Variants in ITPRID2 observed in about 807,000 individuals in gnomAD.
The protein encoded by ITPRID2 is ITPR interacting domain containing 2.
In ITPRID2, 60 loss-of-function variants were observed where a neutral mutation model predicts 124.3. The observed-to-expected ratio is 0.48, with a 90% CI of 0.39 to 0.60. ITPRID2 has a LOEUF of 0.60. Among genes scored for constraint, ITPRID2 ranks in the 20% least tolerant of loss-of-function variants. The pLI is 0.00. For missense variants in ITPRID2, 1,553 were observed against 1,512.2 expected (o/e 1.03, Z -0.45); for synonymous variants, 521 against 542.9 (o/e 0.96, Z 0.56).
intron 8 of ITPRID2, among the ~76,000 whole-genome samples, chr2:181,903,429 C>T (rs1692841403): frequency 6.6e-6 from 1 of 152,202 alleles, no homozygotes. Flanking sequence ...TTTAACATCA[C>T]ACACCATTAT....
At chr2:181,929,320 A>G (rs1695111290) in intron 17 of ITPRID2, among the ~76,000 whole-genome samples, 1 of 152,102 alleles carries the variant, frequency 6.6e-6, no homozygotes, top group Non-Finnish European at 1.5e-5. Context: ...ATAATATACA[A>G]TTTCAGATAT....
intron 16 of ITPRID2, among the ~76,000 whole-genome samples, chr2:181,926,351 T>A (rs1042184506): frequency 1.3e-5 from 2 of 152,216 alleles, no homozygotes; most frequent in African/African-American, 4.8e-5. Flanking sequence ...GTAGGGATTC[T>A]TTTATACTTT....
chr2:181,921,812 T>C (rs190137357), intron 15 of ITPRID2, 136 bp from the exon 16 acceptor site: 179 of 792,176 alleles, frequency 2.3e-4, no homozygotes, highest in Middle Eastern at 1.1e-3. Context: ...ATTGAGTAGT[T>C]ATTAAATTAA....
In ITPRID2 at chr2:181,919,676, C is replaced by T. The variant is rs1338806501; in HGVS notation, c.3144+230C>T. ...AATTTTTAATGATAAATTTTAATAA[C>T]AGGAAAGAATAAGGGCTTATACGAA... On this transcript the variant is annotated intron_variant, in intron 14 of 17. Coordinates refer to ENST00000431877, the MANE Select transcript of ITPRID2 (RefSeq NM_001130445.3). The surrounding 1 kb of genome is among the most constrained non-coding windows in gnomAD (Gnocchi z 4.2). Among the ~76,000 whole-genome samples the T allele has an allele frequency of 1.3e-5, 2 of 151,850 alleles. No homozygotes were observed. Among genetic ancestry groups the T allele is most frequent in the Non-Finnish European group, 2.9e-5 (2 of 67,988 alleles).
At chr2:181,920,709 A>G in intron 15 of ITPRID2, 47 bp downstream of exon 15, 7 of 1,354,580 alleles carry the variant, frequency 5.2e-6, no homozygotes, top group Non-Finnish European at 7.4e-6. Context: ...ATGATACAAC[A>G]TTTCAGACAC....
chr2:181,918,537 T>A, intron 11 of ITPRID2, 61 bp from the exon 12 acceptor site: 1 of 1,601,838 alleles, frequency 6.2e-7, no homozygotes, highest in Non-Finnish European at 8.5e-7. Context: ...TTTAACCCCT[T>A]AAGTGATTTG....
At chr2:181,908,555 A>G (rs1361023970) in intron 8 of ITPRID2, among the ~76,000 whole-genome samples, 2 of 152,244 alleles carry the variant, frequency 1.3e-5, no homozygotes, top group Admixed American at 1.3e-4. Context: ...AATTTTAACA[A>G]GATAACAAAG....
In ITPRID2 at chr2:181,902,189, T is replaced by C. The variant is rs1340884713; in HGVS notation, c.1136T>C (p.Ile379Thr). The C allele has an allele frequency of 1.2e-6, 2 of 1,613,690 alleles. No individual in the cohort carries two copies. The highest frequency in any genetic ancestry group is 2.2e-5 in the East Asian group (1 of 44,862). ...AVTENADSDRISDEANSNFNQ... is the reference protein window; with the variant it reads ...AVTENADSDRTSDEANSNFNQ... The stretch of plus-strand genomic sequence containing the variant: ...ACGGAGAATGCTGATAGTGATAGAA[T>C]TTCTGATGAAGCAAATAGTAATTTT... Residue 379 changes from isoleucine to threonine, a missense_variant, in exon 8 of 18, where the codon ATT becomes ACT. By Grantham distance (89) the Ile-to-Thr change is moderately conservative. Transcript: ENST00000431877. The surrounding 1 kb of genome is among the most constrained non-coding windows in gnomAD (Gnocchi z 4.4).
chr2:181,925,354 T>C (rs556849016), intron 16 of ITPRID2, among the ~76,000 whole-genome samples: 1 of 152,342 alleles, frequency 6.6e-6, no homozygotes, highest in Admixed American at 6.5e-5. Flanking sequence ...TTGGAAATTA[T>C]GCTCATAAAG....
In ITPRID2 at chr2:181,929,674, A is replaced by AGCT; in HGVS notation, c.*128_*129insCTG. ...GCTGTTGAGCTGGGCTACTGTATAC[A>AGCT]GTGTACAATGTGTATTTCTTCAACC... On this transcript the variant is annotated 3_prime_UTR_variant, in exon 18 of 18. Transcript: ENST00000431877. 1 of 1,546,326 alleles carries AGCT rather than the reference A, an allele frequency of 6.5e-7. No homozygotes were observed. Among genetic ancestry groups the AGCT allele is most frequent in the Non-Finnish European group, 8.9e-7 (1 of 1,124,428 alleles).
chr2:181,895,647 G>A (rs1692136587), intron 2 of ITPRID2, among the ~76,000 whole-genome samples: 1 of 151,812 alleles, frequency 6.6e-6, no homozygotes, highest in African/African-American at 2.4e-5. Flanking sequence ...CTGAAGATTT[G>A]TTTTCTTCTA....
chr2:181,907,228 G>T lies in ITPRID2; in HGVS notation c.1414-2671G>T, dbSNP rs1693206614. Among the ~76,000 whole-genome samples the T allele has an allele frequency of 6.6e-6, 1 of 152,138 alleles. No homozygotes were observed. Among genetic ancestry groups the T allele is most frequent in the Non-Finnish European group, 1.5e-5 (1 of 68,020 alleles). On this transcript the variant is annotated intron_variant, in intron 8 of 17. Coordinates refer to ENST00000431877, the MANE Select transcript of ITPRID2 (RefSeq NM_001130445.3). This position sits in a 1 kb window ranked among gnomAD's most constrained non-coding sequence, Gnocchi z 5.1. The stretch of plus-strand genomic sequence containing the variant: ...TGACAGCTGTTAAGAAACCAAAGTG[G>T]TTCACTGAAACAAAAAGTACATTTT...
chr2:181,903,959 A>G (rs1219382979), intron 8 of ITPRID2, among the ~76,000 whole-genome samples: 1 of 152,182 alleles, frequency 6.6e-6, no homozygotes, highest in Non-Finnish European at 1.5e-5. Context: ...ACAATAGCAG[A>G]GCATAAAGAT....
rs1200544119 is a variant in ITPRID2 at position 181,929,606 on chromosome 2, AT to A, written c.*60del. 2 of 1,613,076 alleles carry A rather than the reference AT, an allele frequency of 1.2e-6. No individual in the cohort carries two copies. Among genetic ancestry groups the A allele is most frequent in the Non-Finnish European group, 1.7e-6 (2 of 1,179,482 alleles). On this transcript the variant is annotated 3_prime_UTR_variant, in exon 18 of 18. Coordinates refer to ENST00000431877, the MANE Select transcript of ITPRID2 (RefSeq NM_001130445.3). ...CTGTGTAATACTGGAATTATCAATG[AT>A]ATGCACTGGTGGAGGTGTTATTTGT...
intron 16 of ITPRID2, among the ~76,000 whole-genome samples, chr2:181,924,600 T>TA (rs1375899394): frequency 6.6e-6 from 1 of 152,228 alleles, no homozygotes; most frequent in African/African-American, 2.4e-5. Context: ...AAAGTTTTCT[T>TA]ACTGCGTTCA....
rs1692217762 is a variant in ITPRID2 at position 181,896,536 on chromosome 2, C to T, written c.308-372C>T. On this transcript the variant is annotated intron_variant, in intron 3 of 17. Transcript: ENST00000431877. This position sits in a 1 kb window ranked among gnomAD's most constrained non-coding sequence, Gnocchi z 4.3. ...GGCAAGGCATATAAAAAAACATTTA[C>T]AGTGTCAGGAAAATCCAGCTCCTGA... Among the ~76,000 whole-genome samples, 1 of 151,962 alleles carries T rather than the reference C, an allele frequency of 6.6e-6. No individual in the cohort carries two copies. The highest frequency in any genetic ancestry group is 1.5e-5 in the Non-Finnish European group (1 of 67,856).
chr2:181,923,902 GA>G (rs1694669774), intron 16 of ITPRID2, among the ~76,000 whole-genome samples: 1 of 152,080 alleles, frequency 6.6e-6, no homozygotes, highest in African/African-American at 2.4e-5. Flanking sequence ...TGGCTTATAA[GA>G]CACAGCATAT....
Position 181,900,796 on chromosome 2 carries a change from T to A in ITPRID2, c.604T>A (p.Ser202Thr). ...ACCAGATATTGCTTCTAAAATTCCT[T>A]CCAGATTTTTTAATTCATCATCCTT... ...DEPDIASKIP[S>T]RFFNSSSFAK... Residue 202 changes from serine to threonine, a missense_variant, in exon 7 of 18, where the codon TCC (serine) becomes ACC (threonine). Coordinates refer to ENST00000431877, the MANE Select transcript of ITPRID2 (RefSeq NM_001130445.3). 6.2e-7 allele frequency: 1 copy of A among 1,613,346 alleles called. No individual in the cohort carries two copies. Among genetic ancestry groups the A allele is most frequent in the Non-Finnish European group, 8.5e-7 (1 of 1,179,592 alleles).
intron 10 of ITPRID2, among the ~76,000 whole-genome samples, chr2:181,914,513 G>C (rs1693875901): frequency 6.6e-6 from 1 of 152,144 alleles, no homozygotes; most frequent in Non-Finnish European, 1.5e-5. Context: ...AGCATTTAAG[G>C]GGTAAACAGA....
Sources: gnomAD v4.1 joint callset for allele counts (sites outside exome capture counted in the v4.1 genomes callset) on GRCh38, gnomAD v4.1.1 for gene constraint, Gnocchi (gnomAD v3.1) non-coding constraint, MANE v1.5 for transcripts, NCBI Gene and HGNC (gene_info 2026-07-23, HGNC 2026-07-21) for gene names.